PHACTR2: variants seen among roughly 807,000 people sequenced by gnomAD.
PHACTR2 encodes phosphatase and actin regulator 2, also known as chromosome 6 open reading frame 56.
Under a neutral mutation model 76.0 loss-of-function variants are expected in PHACTR2, and 30 were observed. The observed-to-expected ratio is 0.39, with a 90% CI of 0.30 to 0.54. The LOEUF is 0.54. Ranked by LOEUF, PHACTR2 falls within the 20% of genes least tolerant of loss-of-function variation. PHACTR2 has a pLI of 0.61. For missense variants in PHACTR2, 696 were observed against 781.1 expected, an observed-to-expected ratio of 0.89 and a Z score of 1.30; for synonymous variants, 292 against 292.5, an observed-to-expected ratio of 1.00 and a Z score of 0.02.
Position 143,828,603 on chromosome 6 carries a change from G to A in PHACTR2, c.*4914G>A, listed in dbSNP as rs1776593829. ...TTCCCACCTAAAGCCAACCCTATAA[G>A]GATGGGTCATTTTTTAGCCATGCTA... On this transcript the variant is annotated 3_prime_UTR_variant, in exon 13 of 13. Coordinates refer to ENST00000440869, the MANE Select transcript of PHACTR2 (RefSeq NM_001100164.2). The surrounding 1 kb of genome is among the most constrained non-coding windows in gnomAD (Gnocchi z 4.7). The A allele has an allele frequency of 6.6e-6, 1 of 152,174 alleles. No homozygotes were observed. The highest frequency in any genetic ancestry group is 1.5e-5 in the Non-Finnish European group (1 of 68,050). 9.4% of individuals were successfully genotyped at this position (152,174 alleles called of 1,614,324 possible).
rs1775556050 is a variant in PHACTR2, at chr6:143,580,178, A to C, written c.217+42971A>C. Among the ~76,000 whole-genome samples, 1 of 152,116 alleles carries C rather than the reference A, an allele frequency of 6.6e-6. No homozygotes were observed. Among genetic ancestry groups the C allele is most frequent in the Non-Finnish European group, 1.5e-5 (1 of 68,000 alleles). ...AGCTTCGTCTCAAAAGTGATATCCC[A>C]TCCCTTTAGAAGGGAGTCAACTTGG... On this transcript the variant is annotated intron_variant, in intron 1 of 11. Transcript: ENST00000367584. The surrounding 1 kb of genome is among the most constrained non-coding windows in gnomAD (Gnocchi z 4.2).
At chr6:143,727,339 T>C (rs12209142) in intron 2 of PHACTR2, among the ~76,000 whole-genome samples, 15,808 of 152,184 alleles carry the variant, frequency 0.1, 1,200 homozygotes, top group African/African-American at 0.21. Flanking sequence ...CATAATCATA[T>C]TTTCTTTATC....
rs895208944 is a variant in PHACTR2, at chr6:143,652,378, G to A, written c.13+44056G>A. Among the ~76,000 whole-genome samples, 2 of 151,702 alleles carry A rather than the reference G, an allele frequency of 1.3e-5. No homozygotes were observed. Among genetic ancestry groups the A allele is most frequent in the African/African-American group, 4.9e-5 (2 of 41,188 alleles). Reference sequence around the variant, plus strand: ...GCCTGGCTGCATCAGCTAGACAAAGGTACCTGCGCTGCTGTTTGTTTGTTT... The same window carrying A: ...GCCTGGCTGCATCAGCTAGACAAAGATACCTGCGCTGCTGTTTGTTTGTTT... On this transcript the variant is annotated intron_variant, in intron 1 of 11. Coordinates refer to the PHACTR2 transcript ENST00000305766. This position sits in a 1 kb window ranked among gnomAD's most constrained non-coding sequence, Gnocchi z 4.5.
intron 1 of PHACTR2, among the ~76,000 whole-genome samples, chr6:143,540,977 G>A (rs1781166899): frequency 6.6e-6 from 1 of 152,206 alleles, no homozygotes; most frequent in African/African-American, 2.4e-5. Flanking sequence ...TACAATGGCT[G>A]TTCGCCAGTA....
At chr6:143,796,570 C>T (rs1443764460) in intron 11 of PHACTR2, among the ~76,000 whole-genome samples, 1 of 151,794 alleles carries the variant, frequency 6.6e-6, no homozygotes, top group Non-Finnish European at 1.5e-5. Flanking sequence ...TAGTCCCCCA[C>T]CCCCTACAGG....
At position 143,589,447 on chromosome 6, in the gene PHACTR2, C is replaced by T. The variant is rs1253840637; in HGVS notation, c.217+52240C>T. ...CATGATTCCAAGTTTCCTGAGGCCT[C>T]CCCAGTCATGCTTCCTGTACAGCCT... is the stretch of plus-strand genomic sequence containing the variant. On this transcript the variant is annotated intron_variant, in intron 1 of 11. Coordinates refer to the PHACTR2 transcript ENST00000367584. The surrounding 1 kb of genome is among the most constrained non-coding windows in gnomAD (Gnocchi z 4.4). Among the ~76,000 whole-genome samples, 3 of 152,146 alleles carry T rather than the reference C, an allele frequency of 2.0e-5. No individual in the cohort carries two copies. The highest frequency in any genetic ancestry group is 7.2e-5 in the African/African-American group (3 of 41,410).
chr6:143,545,464 C>T (rs889587779), intron 1 of PHACTR2, among the ~76,000 whole-genome samples: 5 of 152,080 alleles, frequency 3.3e-5, no homozygotes, highest in Non-Finnish European at 7.3e-5. Flanking sequence ...TGTAGGCAAA[C>T]GAAGGCAGAA....
rs1170069425 is a variant in PHACTR2, at chr6:143,827,205, T to TGTATA, written c.*3516_*3517insGTATA. 3 of 121,640 alleles carry TGTATA rather than the reference T, an allele frequency of 2.5e-5. No homozygotes were observed. The East Asian group carries it at 7.8e-4, about 32-fold the overall frequency. The allele number at this position is 121,640 out of a possible 1,614,324, so 7.5% of individuals were successfully genotyped here. A position where few individuals can be genotyped will look rare whatever the true frequency, so the allele number is the denominator to read the frequency against. On this transcript the variant is annotated 3_prime_UTR_variant, in exon 13 of 13. Coordinates refer to ENST00000440869, the MANE Select transcript of PHACTR2 (RefSeq NM_001100164.2). Reference sequence around the variant, plus strand: ...ATATATATATATATATATATGTATATTATATATACAGTAGCTTACACTTAA... The same window carrying TGTATA: ...ATATATATATATATATATATGTATATGTATATATATATACAGTAGCTTACACTTAA...
intron 3 of PHACTR2, among the ~76,000 whole-genome samples, chr6:143,752,899 A>G (rs1257388351): frequency 6.6e-6 from 1 of 152,200 alleles, no homozygotes; most frequent in Non-Finnish European, 1.5e-5. Flanking sequence ...CTTTTCAAGA[A>G]TCACTGAATT....
At chr6:143,721,511 A>G (rs1384621977) in intron 2 of PHACTR2, among the ~76,000 whole-genome samples, 1 of 152,226 alleles carries the variant, frequency 6.6e-6, no homozygotes, top group Non-Finnish European at 1.5e-5. Context: ...TGTCTCCAGC[A>G]GCCCTGATAA....
At chr6:143,626,536 C>CAAAAAAAAAA (rs35107482) in intron 1 of PHACTR2, among the ~76,000 whole-genome samples, 20 of 122,336 alleles carry the variant, frequency 1.6e-4, no homozygotes, top group Admixed American at 7.6e-4. Context: ...GACTCCGTCT[C>CAAAAAAAAAA]AAAAAAAAAA....
chr6:143,725,096 G>A (rs1243021981), intron 2 of PHACTR2, among the ~76,000 whole-genome samples: 1 of 150,780 alleles, frequency 6.6e-6, no homozygotes, highest in African/African-American at 2.4e-5. Flanking sequence ...GTATATGTGT[G>A]TATAGTGCTA....
chr6:143,696,363 G>A lies in PHACTR2; in HGVS notation c.47-15653G>A, dbSNP rs1335746134. ...TTCCTGGAGACCTCTAGAAGACCAG[G>A]AAAATATTTTTCCAAGAAATTTTGC... On this transcript the variant is annotated intron_variant, in intron 1 of 12. Transcript: ENST00000440869. The surrounding 1 kb of genome is among the most constrained non-coding windows in gnomAD (Gnocchi z 4.1). Among the ~76,000 whole-genome samples, 4 of 152,074 alleles carry A rather than the reference G, an allele frequency of 2.6e-5. No homozygotes were observed. The highest frequency in any genetic ancestry group is 4.4e-5 in the Non-Finnish European group (3 of 68,010).
At chr6:143,725,165 G>A (rs1470412682) in intron 2 of PHACTR2, among the ~76,000 whole-genome samples, 1 of 142,380 alleles carries the variant, frequency 7.0e-6, no homozygotes, top group African/African-American at 2.6e-5. Context: ...ATATATCAGA[G>A]TTCTGTCACT....
intron 2 of PHACTR2, among the ~76,000 whole-genome samples, chr6:143,716,139 A>C (rs990202989): frequency 6.6e-6 from 1 of 152,154 alleles, no homozygotes; most frequent in South Asian, 2.1e-4. Context: ...GACCAAGATA[A>C]TGACTTTACA....
chr6:143,676,477 T>C (rs1777247337), upstream of PHACTR2, among the ~76,000 whole-genome samples: 1 of 152,242 alleles, frequency 6.6e-6, no homozygotes, highest in Non-Finnish European at 1.5e-5. This position sits in a 1 kb window ranked among gnomAD's most constrained non-coding sequence, Gnocchi z 4.8. Flanking sequence ...TGACCTCCCT[T>C]TATCAGAAAG....
At chr6:143,705,318 G>A (rs556609538) in intron 1 of PHACTR2, among the ~76,000 whole-genome samples, 37 of 131,688 alleles carry the variant, frequency 2.8e-4, no homozygotes, top group African/African-American at 9.7e-4. Flanking sequence ...TTTTTGAGAC[G>A]GAGTCTTGCT....
intron 1 of PHACTR2, among the ~76,000 whole-genome samples, chr6:143,660,371 G>A (rs1340900198): frequency 6.6e-6 from 1 of 152,128 alleles, no homozygotes; most frequent in African/African-American, 2.4e-5. Flanking sequence ...GAGAGAGCTT[G>A]TGCAGGGAAA....
rs1775930175 is a variant in PHACTR2, at chr6:143,608,743, G to A, written c.13+421G>A. 6.6e-6 allele frequency among the ~76,000 whole-genome samples: 1 copy of A among 152,188 alleles called. No individual in the cohort carries two copies. The highest frequency in any genetic ancestry group is 2.4e-5 in the African/African-American group (1 of 41,452). On this transcript the variant is annotated intron_variant, in intron 1 of 11. Coordinates refer to the PHACTR2 transcript ENST00000305766. This position sits in a 1 kb window ranked among gnomAD's most constrained non-coding sequence, Gnocchi z 4.6. ...ATATGCACAGTGTAACAGCATAAGA[G>A]CTCTTTGGTCTGATGCTTTCATCTT...
Sources: gnomAD v4.1 joint callset for allele counts (sites outside exome capture counted in the v4.1 genomes callset) on GRCh38, gnomAD v4.1.1 for gene constraint, Gnocchi (gnomAD v3.1) non-coding constraint, MANE v1.5 for transcripts, NCBI Gene and HGNC (gene_info 2026-07-23, HGNC 2026-07-21) for gene names.